ADGRB3: variants seen among roughly 807,000 people sequenced by gnomAD.
ADGRB3 encodes the protein brain-specific angiogenesis inhibitor 3.
Under a neutral mutation model 193.4 loss-of-function variants are expected in ADGRB3, and 37 were observed. That is an observed-to-expected ratio of 0.19 (90% CI 0.15 to 0.25). The LOEUF (loss-of-function observed/expected upper bound fraction) is 0.25. Ranked by LOEUF, ADGRB3 falls within the 10% of genes least tolerant of loss-of-function variation. The pLI is 1.00. For synonymous variants in ADGRB3, 690 were observed against 644.2 expected, an observed-to-expected ratio of 1.07 and a Z score of -1.08; for missense variants, 1,637 against 1,852.9, an observed-to-expected ratio of 0.88 and a Z score of 2.14.
At chr6:69,350,984 T>G (rs549669546) in intron 26 of ADGRB3, among the ~76,000 whole-genome samples, 2 of 152,230 alleles carry the variant, frequency 1.3e-5, no homozygotes, top group African/African-American at 4.8e-5. Context: ...AAGTATTCTA[T>G]TCTGTGATAA....
At chr6:69,387,626 C>T in intron 31 of ADGRB3, among the ~76,000 whole-genome samples, 1 of 151,976 alleles carries the variant, frequency 6.6e-6, no homozygotes, top group Non-Finnish European at 1.5e-5. Context: ...TCTCACACTC[C>T]TGGGCTTAAG....
At chr6:68,961,246 T>C (rs1316228290) in intron 8 of ADGRB3, among the ~76,000 whole-genome samples, 1 of 152,118 alleles carries the variant, frequency 6.6e-6, no homozygotes, top group East Asian at 1.9e-4. Context: ...AGTTCTCCAA[T>C]CCTCATTTTT....
At chr6:68,900,181 T>C (rs1185715509) in intron 3 of ADGRB3, among the ~76,000 whole-genome samples, 2 of 152,156 alleles carry the variant, frequency 1.3e-5, no homozygotes, top group Admixed American at 6.5e-5. Context: ...CAAATGAATA[T>C]ACTCTTATAT....
At chr6:69,156,284 G>A (rs909761569) in intron 17 of ADGRB3, among the ~76,000 whole-genome samples, 8 of 152,176 alleles carry the variant, frequency 5.3e-5, no homozygotes, top group African/African-American at 1.4e-4. Context: ...GATAAAGAAT[G>A]ACTGTGTGAG....
Position 69,233,377 on chromosome 6 carries a change from C to T in ADGRB3, c.2568C>T (p.Leu856=). 1.9e-6 allele frequency: 3 copies of T among 1,614,136 alleles called. No individual in the cohort carries two copies. The highest frequency in any genetic ancestry group is 1.7e-6 in the Non-Finnish European group (2 of 1,180,010). The change falls in exon 18 of 32, where the codon CTC becomes CTT. Residue 856 remains leucine, a synonymous_variant. Transcript: ENST00000370598. The part of the protein sequence containing the change: ...ASHTKCLCDR[L]STFAILAQQP... ...ATACGAAATGCTTATGTGATCGTCTCTCTACCTTCGCCATTTTGGCTCAGC... is the reference window on the plus strand; with the variant it reads ...ATACGAAATGCTTATGTGATCGTCTTTCTACCTTCGCCATTTTGGCTCAGC...
chr6:69,058,412 T>C (rs767673835), intron 15 of ADGRB3, among the ~76,000 whole-genome samples: 2 of 152,044 alleles, frequency 1.3e-5, no homozygotes, highest in African/African-American at 2.4e-5. Flanking sequence ...TTTTGTTGAT[T>C]TTTACATGGG....
At chr6:68,931,949 A>C (rs957781254) in intron 4 of ADGRB3, among the ~76,000 whole-genome samples, 4 of 152,202 alleles carry the variant, frequency 2.6e-5, no homozygotes, top group African/African-American at 9.6e-5. Context: ...TGTTTAAGAA[A>C]AATTGATTTT....
At chr6:69,004,025 G>A (rs770970676) in intron 11 of ADGRB3, among the ~76,000 whole-genome samples, 2 of 152,108 alleles carry the variant, frequency 1.3e-5, no homozygotes, top group African/African-American at 2.4e-5. Flanking sequence ...TACCTTTTCC[G>A]AAGCTCCTAT....
At position 69,101,377 on chromosome 6, in the gene ADGRB3, T is replaced by C. The variant is rs2150321743; in HGVS notation, c.2480+25339T>C. Among the ~76,000 whole-genome samples, 4 of 152,150 alleles carry C rather than the reference T, an allele frequency of 2.6e-5. No individual in the cohort carries two copies. In the Middle Eastern group the frequency reaches 0.014, roughly 518 times the overall value. ...CTTTGTTTTTACTTAGACATTTATT[T>C]TGAGAAATGGAGTACTATTAAGGCT... is the stretch of plus-strand genomic sequence containing the variant. On this transcript the variant is annotated intron_variant, in intron 17 of 31. Coordinates refer to ENST00000370598, the MANE Select transcript of ADGRB3 (RefSeq NM_001704.3).
At chr6:68,930,153 A>G (rs919172841) in intron 3 of ADGRB3, among the ~76,000 whole-genome samples, 1 of 151,920 alleles carries the variant, frequency 6.6e-6, no homozygotes, top group Non-Finnish European at 1.5e-5. Context: ...TAACAAGAAA[A>G]CTGCTGACAA....
intron 3 of ADGRB3, among the ~76,000 whole-genome samples, chr6:68,719,560 A>G (rs186578411): frequency 1.3e-5 from 2 of 151,888 alleles, no homozygotes; most frequent in East Asian, 3.9e-4. Flanking sequence ...ATTAACAGTT[A>G]CACATTGGAA....
chr6:69,040,380 TC>T (rs765206411), intron 13 of ADGRB3, among the ~76,000 whole-genome samples: 1,685 of 59,606 alleles, frequency 0.028, 140 homozygotes, highest in East Asian at 0.19. Flanking sequence ...TTTCTTTCCT[TC>T]TCTCTCTTTC....
intron 3 of ADGRB3, among the ~76,000 whole-genome samples, chr6:68,656,213 C>T (rs576344857): frequency 6.6e-6 from 1 of 151,480 alleles, no homozygotes; most frequent in East Asian, 1.9e-4. Flanking sequence ...TTTTATGAAA[C>T]TTTTACTTTT....
At chr6:69,105,043 G>C (rs1773171072) in intron 17 of ADGRB3, among the ~76,000 whole-genome samples, 1 of 152,166 alleles carries the variant, frequency 6.6e-6, no homozygotes, top group Non-Finnish European at 1.5e-5. Context: ...TGAAGTGGAA[G>C]GTTACTCAAT....
intron 17 of ADGRB3, among the ~76,000 whole-genome samples, chr6:69,147,403 C>T (rs138069767): frequency 1.2e-3 from 181 of 152,258 alleles, no homozygotes; most frequent in African/African-American, 4.3e-3. Context: ...TTATTACACA[C>T]TGGTCATTCG....
At chr6:68,897,739 G>A (rs1249535563) in intron 3 of ADGRB3, among the ~76,000 whole-genome samples, 2 of 32,706 alleles carry the variant, frequency 6.1e-5, no homozygotes, top group African/African-American at 1.9e-4. Context: ...AGGGCAGGAA[G>A]AGGAAGGAAG....
intron 17 of ADGRB3, among the ~76,000 whole-genome samples, chr6:69,080,438 A>T (rs1772354323): frequency 6.6e-6 from 1 of 152,022 alleles, no homozygotes; most frequent in South Asian, 2.1e-4. Flanking sequence ...GGACCAAACT[A>T]AGATGAACAG....
At chr6:69,255,753 T>C (rs1766751807) in intron 20 of ADGRB3, among the ~76,000 whole-genome samples, 1 of 152,188 alleles carries the variant, frequency 6.6e-6, no homozygotes, top group Admixed American at 6.5e-5. Context: ...TTGCTTTTGG[T>C]GTTTTAGACA....
At chr6:69,037,219 G>A (rs1051570480) in intron 13 of ADGRB3, among the ~76,000 whole-genome samples, 29 of 152,292 alleles carry the variant, frequency 1.9e-4, no homozygotes, top group African/African-American at 6.3e-4. Flanking sequence ...GGGAAAGACT[G>A]CAGAAGAAAG....
Sources: gnomAD v4.1 joint callset for allele counts (sites outside exome capture counted in the v4.1 genomes callset) on GRCh38, gnomAD v4.1.1 for gene constraint, MANE v1.5 for transcripts, NCBI Gene and HGNC (gene_info 2026-07-23, HGNC 2026-07-21) for gene names.